DAB1: variants seen among roughly 807,000 people sequenced by gnomAD.
The protein encoded by DAB1 is disabled homolog 1.
DAB1 carries 15 observed loss-of-function variants against 64.6 expected under a neutral mutation model. The observed-to-expected ratio is 0.23, with a 90% confidence interval of 0.16 to 0.36. The LOEUF (loss-of-function observed/expected upper bound fraction) is 0.36, where lower values mean the gene tolerates loss of function less well. Ranked by LOEUF, DAB1 falls within the 10% of genes least tolerant of loss-of-function variation. The probability of loss-of-function intolerance (pLI) is 1.00; values close to 1 mark genes in which losing one functional copy is unlikely to be tolerated. For synonymous variants in DAB1, 235 were observed against 251.9 expected (o/e 0.93, Z 0.64); for missense variants, 596 against 706.7 (o/e 0.84, Z 1.78).
intron 2 of DAB1, among the ~76,000 whole-genome samples, chr1:57,232,539 C>T (rs921114856): frequency 1.3e-5 from 2 of 152,110 alleles, no homozygotes; most frequent in Non-Finnish European, 2.9e-5. Flanking sequence ...CACTTTTGAG[C>T]TCTAACAGAC....
At chr1:57,327,974 C>A (rs949739483) in intron 1 of DAB1, among the ~76,000 whole-genome samples, 3 of 152,122 alleles carry the variant, frequency 2.0e-5, no homozygotes, top group Non-Finnish European at 4.4e-5. Context: ...TCTCTAAGAA[C>A]CCCAGAAAGT....
upstream of DAB1, among the ~76,000 whole-genome samples, chr1:57,428,280 T>G (rs1018485921): frequency 5.9e-5 from 9 of 152,202 alleles, no homozygotes; most frequent in African/African-American, 2.2e-4. Context: ...ATCATATAAC[T>G]GAAGGTTTTT....
chr1:58,095,365 C>T (rs1411037933), intron 5 of DAB1, among the ~76,000 whole-genome samples: 3 of 152,148 alleles, frequency 2.0e-5, no homozygotes, highest in South Asian at 2.1e-4. Context: ...CACAAGGGAT[C>T]GGTATAAGTA....
intron 5 of DAB1, among the ~76,000 whole-genome samples, chr1:57,904,592 A>AG (rs1383027662): frequency 6.6e-6 from 1 of 152,222 alleles, no homozygotes; most frequent in African/African-American, 2.4e-5. Flanking sequence ...ACATGGTCAG[A>AG]GGGGGCCTTT....
chr1:57,380,826 A>G (rs1681310615), intron 1 of DAB1, among the ~76,000 whole-genome samples: 1 of 152,220 alleles, frequency 6.6e-6, no homozygotes, highest in Admixed American at 6.5e-5. Context: ...ATACAATAAA[A>G]GGATATTCTC....
intron 6 of DAB1, among the ~76,000 whole-genome samples, chr1:57,652,436 G>C (rs1328213154): frequency 6.6e-6 from 1 of 152,082 alleles, no homozygotes; most frequent in African/African-American, 2.4e-5. Flanking sequence ...AGGCTGATTT[G>C]AGTCAGAATA....
intron 2 of DAB1, among the ~76,000 whole-genome samples, chr1:57,158,150 T>C (rs1223078082): frequency 6.6e-6 from 1 of 152,202 alleles, no homozygotes; most frequent in Non-Finnish European, 1.5e-5. Flanking sequence ...ATAATATATG[T>C]TATGCTCTTA....
intron 1 of DAB1, among the ~76,000 whole-genome samples, chr1:57,302,863 C>G (rs1421883776): frequency 6.6e-6 from 1 of 152,134 alleles, no homozygotes; most frequent in East Asian, 1.9e-4. Context: ...TTGGCATGAC[C>G]CCTCCCACTA....
At chr1:57,620,179 G>A (rs1268357639) in intron 7 of DAB1, among the ~76,000 whole-genome samples, 5 of 152,096 alleles carry the variant, frequency 3.3e-5, no homozygotes, top group East Asian at 3.9e-4. Context: ...CTGAGACTCC[G>A]CCCCGAAAGG....
intron 4 of DAB1, among the ~76,000 whole-genome samples, chr1:58,219,791 G>T (rs1383990353): frequency 6.6e-6 from 1 of 152,162 alleles, no homozygotes; most frequent in African/African-American, 2.4e-5. Flanking sequence ...CACCTCCATT[G>T]CACACATCAC....
intron 6 of DAB1, among the ~76,000 whole-genome samples, chr1:57,815,861 A>G (rs1214783937): frequency 1.3e-5 from 2 of 152,128 alleles, no homozygotes; most frequent in Non-Finnish European, 2.9e-5. Context: ...GGTTTTTGCA[A>G]TGGTCTCCAA....
intron 6 of DAB1, among the ~76,000 whole-genome samples, chr1:57,657,265 C>T (rs115923257): frequency 0.01 from 1,556 of 152,286 alleles, 28 homozygotes; most frequent in African/African-American, 0.036. Flanking sequence ...CTGCACATCC[C>T]CAAGAACTCT....
intron 3 of DAB1, among the ~76,000 whole-genome samples, chr1:58,437,333 C>T (rs1344508250): frequency 6.6e-6 from 1 of 152,046 alleles, no homozygotes; most frequent in African/African-American, 2.4e-5. Flanking sequence ...AGAAAAACTG[C>T]AAAAGAATGA....
intron 5 of DAB1, among the ~76,000 whole-genome samples, chr1:57,984,184 A>AGAAAGAAAGAAAGAAAG (rs1646137180): frequency 2.0e-5 from 1 of 50,656 alleles, no homozygotes; most frequent in East Asian, 5.8e-4. Flanking sequence ...TAGCTTAAAA[A>AGAAAGAAAGAAAGAAAG]AAAGAAAGAA....
At chr1:57,176,970 T>TACAAAAAAAA (rs146465598) in intron 2 of DAB1, among the ~76,000 whole-genome samples, 13 of 61,020 alleles carry the variant, frequency 2.1e-4, no homozygotes, top group African/African-American at 3.5e-4. Flanking sequence ...CAGCAGCAGA[T>TACAAAAAAAA]ATAAAAAAAA....
intron 7 of DAB1, among the ~76,000 whole-genome samples, chr1:57,542,873 A>C (rs1466598702): frequency 6.6e-6 from 1 of 152,146 alleles, no homozygotes; most frequent in Non-Finnish European, 1.5e-5. Flanking sequence ...TTAGGTTATA[A>C]AAAGCCCTGC....
intron 6 of DAB1, among the ~76,000 whole-genome samples, chr1:57,750,228 T>A (rs1341250981): frequency 2.6e-5 from 4 of 152,208 alleles, no homozygotes; most frequent in Non-Finnish European, 5.9e-5. Flanking sequence ...TCTCCTTCCC[T>A]TTTTGTGTTT....
At chr1:57,563,502 C>A (rs1439246609) in intron 7 of DAB1, among the ~76,000 whole-genome samples, 8 of 152,008 alleles carry the variant, frequency 5.3e-5, no homozygotes, top group African/African-American at 1.7e-4. Flanking sequence ...ATTACCTCAC[C>A]CAGGAAGTGA....
intron 1 of DAB1, among the ~76,000 whole-genome samples, chr1:57,397,790 A>C (rs1359403864): frequency 6.6e-6 from 1 of 152,276 alleles, no homozygotes; most frequent in Non-Finnish European, 1.5e-5. Context: ...CTCCTTCATA[A>C]GAACGGCCAG....
Sources: allele counts gnomAD v4.1 joint callset (sites outside exome capture counted in the v4.1 genomes callset), GRCh38; gene constraint gnomAD v4.1.1; transcripts MANE v1.5; gene names NCBI Gene and HGNC (gene_info 2026-07-23, HGNC 2026-07-21).